DLG2: variants seen among roughly 807,000 people sequenced by gnomAD.
DLG2 encodes the protein discs large MAGUK scaffold protein 2.
In DLG2, 45 loss-of-function variants were observed where a neutral mutation model predicts 132.5. The ratio of observed to expected loss-of-function variants is 0.34; its 90% CI spans 0.27 to 0.44. The LOEUF (loss-of-function observed/expected upper bound fraction) is 0.44, where lower values mean the gene tolerates loss of function less well. Ranked by LOEUF, DLG2 falls within the 20% of genes least tolerant of loss-of-function variation. DLG2 has a pLI of 1.00. For synonymous variants in DLG2, 424 were observed against 419.6 expected, an observed-to-expected ratio of 1.01 and a Z score of -0.13; for missense variants, 1,045 against 1,196.9, an observed-to-expected ratio of 0.87 and a Z score of 1.87.
chr11:85,495,560 G>T (rs536694969), intron 3 of DLG2, among the ~76,000 whole-genome samples: 1 of 152,164 alleles, frequency 6.6e-6, no homozygotes, highest in Non-Finnish European at 1.5e-5. Flanking sequence ...TTAGAAAAAT[G>T]CAAATCAAAA....
At chr11:84,952,149 G>T (rs976858971) in intron 6 of DLG2, among the ~76,000 whole-genome samples, 2 of 152,102 alleles carry the variant, frequency 1.3e-5, no homozygotes, top group Non-Finnish European at 2.9e-5. Flanking sequence ...ATTGTACTTT[G>T]TATCAGCCAT....
intron 9 of DLG2, among the ~76,000 whole-genome samples, chr11:84,142,139 T>C (rs1566679604): frequency 6.6e-6 from 1 of 151,708 alleles, no homozygotes; most frequent in African/African-American, 2.4e-5. Flanking sequence ...ACATCTCTAC[T>C]AAAAATACAA....
chr11:84,213,837 GA>G (rs1265844629), intron 8 of DLG2, among the ~76,000 whole-genome samples: 6,383 of 124,600 alleles, frequency 0.051, 430 homozygotes, highest in African/African-American at 0.17. Flanking sequence ...AAAAAAAAAA[GA>G]AAAAAAAAAA....
chr11:85,289,328 A>G (rs1010968448), intron 3 of DLG2, among the ~76,000 whole-genome samples: 6 of 152,048 alleles, frequency 3.9e-5, no homozygotes, highest in Non-Finnish European at 8.8e-5. Context: ...GGCCCTCGCC[A>G]TCTGTTACTC....
intron 6 of DLG2, among the ~76,000 whole-genome samples, chr11:84,671,858 A>T (rs1230561817): frequency 6.6e-6 from 1 of 152,192 alleles, no homozygotes; most frequent in African/African-American, 2.4e-5. Context: ...AAATTTGTGA[A>T]ACGAGATTTT....
chr11:85,041,298 G>A (rs761118587), intron 6 of DLG2, among the ~76,000 whole-genome samples: 1 of 151,966 alleles, frequency 6.6e-6, no homozygotes, highest in Non-Finnish European at 1.5e-5. Context: ...TGACACTGGT[G>A]AGAAGATACT....
intron 3 of DLG2, among the ~76,000 whole-genome samples, chr11:85,381,227 T>C (rs1347464890): frequency 6.6e-6 from 1 of 152,190 alleles, no homozygotes; most frequent in Non-Finnish European, 1.5e-5. Flanking sequence ...TTTCTGGTTT[T>C]TCAAGTGAAG....
intron 3 of DLG2, among the ~76,000 whole-genome samples, chr11:85,446,013 C>T (rs2091992864): frequency 6.6e-6 from 1 of 152,118 alleles, no homozygotes; most frequent in South Asian, 2.1e-4. Flanking sequence ...ACTCTAAAAC[C>T]CATTGTTTAC....
At chr11:84,188,024 C>A (rs2096316865) in intron 8 of DLG2, among the ~76,000 whole-genome samples, 1 of 152,092 alleles carries the variant, frequency 6.6e-6, no homozygotes, top group South Asian at 2.1e-4. Context: ...ACAATTATTG[C>A]TGCTGGTTTC....
At chr11:84,092,949 T>C (rs928229055) in intron 10 of DLG2, among the ~76,000 whole-genome samples, 1 of 149,702 alleles carries the variant, frequency 6.7e-6, no homozygotes, top group Non-Finnish European at 1.5e-5. Context: ...GGCAGAAGAA[T>C]CGCTTGAACC....
intron 4 of DLG2, among the ~76,000 whole-genome samples, chr11:85,272,325 G>A (rs1186016115): frequency 6.6e-6 from 1 of 152,174 alleles, no homozygotes; most frequent in African/African-American, 2.4e-5. Flanking sequence ...CCCAGTCTCA[G>A]ATATGTCTTT....
chr11:84,132,174 C>T (rs968626997), intron 9 of DLG2, among the ~76,000 whole-genome samples: 6 of 151,802 alleles, frequency 4.0e-5, no homozygotes, highest in Non-Finnish European at 5.9e-5. Flanking sequence ...TTAGTCCAAA[C>T]GGTTAAACAG....
intron 15 of DLG2, among the ~76,000 whole-genome samples, chr11:83,877,654 T>G (rs1462210129): frequency 1.3e-5 from 2 of 152,210 alleles, no homozygotes; most frequent in Non-Finnish European, 2.9e-5. Context: ...GTTAGCCAGT[T>G]TCTCCTAGCA....
intron 11 of DLG2, among the ~76,000 whole-genome samples, chr11:84,029,118 A>T (rs558936652): frequency 3.2e-4 from 48 of 152,198 alleles, no homozygotes; most frequent in African/African-American, 1.0e-3. Context: ...ATTTATACCT[A>T]TATTTCTTTT....
chr11:84,368,669 A>G (rs751259505), intron 7 of DLG2, among the ~76,000 whole-genome samples: 2 of 152,120 alleles, frequency 1.3e-5, no homozygotes, highest in African/African-American at 2.4e-5. Context: ...TTTATCTTTT[A>G]TGATTCTGTC....
intron 19 of DLG2, among the ~76,000 whole-genome samples, chr11:83,605,007 C>CAGAGAGAGAGAGAGAGAG (rs71066055): frequency 0.024 from 3,132 of 129,638 alleles, 95 homozygotes; most frequent in East Asian, 0.046. Context: ...TTTTCAAAGA[C>CAGAGAGAGAGAGAGAGAG]AGAGAGAGAG....
intron 15 of DLG2, among the ~76,000 whole-genome samples, chr11:83,921,560 G>A (rs1241983002): frequency 7.9e-5 from 12 of 152,072 alleles, no homozygotes; most frequent in Admixed American, 7.2e-4. Context: ...CACATCAGTG[G>A]TTTTAATTAA....
At chr11:85,547,644 T>C (rs2076416785) in intron 3 of DLG2, among the ~76,000 whole-genome samples, 1 of 152,214 alleles carries the variant, frequency 6.6e-6, no homozygotes, top group Non-Finnish European at 1.5e-5. Context: ...ATTTGGTCTT[T>C]TCACATAGTC....
intron 7 of DLG2, among the ~76,000 whole-genome samples, chr11:84,319,701 C>G (rs917269481): frequency 3.3e-5 from 5 of 152,178 alleles, no homozygotes; most frequent in African/African-American, 9.7e-5. Context: ...AATTTCTTCC[C>G]ATCACAAGGG....
Sources: gnomAD v4.1 joint callset for allele counts (sites outside exome capture counted in the v4.1 genomes callset) on GRCh38, gnomAD v4.1.1 for gene constraint, MANE v1.5 for transcripts, NCBI Gene and HGNC (gene_info 2026-07-23, HGNC 2026-07-21) for gene names.